The following NAF1 variants were observed in gnomAD, a reference collection of about 807,000 sequenced individuals.
NAF1 encodes the protein H/ACA ribonucleoprotein complex non-core subunit NAF1.
Under a neutral mutation model 40.6 loss-of-function variants are expected in NAF1, and 11 were observed. The observed-to-expected ratio is 0.27, with a 90% CI of 0.17 to 0.45. NAF1 has a LOEUF of 0.45. Among genes scored for constraint, NAF1 ranks in the 20% least tolerant of loss-of-function variants. The probability of loss-of-function intolerance (pLI) is 1.00; values close to 1 mark genes in which losing one functional copy is unlikely to be tolerated. For synonymous variants in NAF1, 260 were observed against 228.5 expected (o/e 1.14, Z -1.24); for missense variants, 607 against 611.1 (o/e 0.99, Z 0.07).
In NAF1 at chr4:163,140,366, T is replaced by C; in HGVS notation, c.735A>G (p.Gly245=). The change falls in exon 5 of 8, where the codon GGA becomes GGG. Residue 245 remains glycine, a synonymous_variant. Transcript: ENST00000274054. ...ACACATAAAATGGATGTGCAACAGGTCCAAATATCTCGAATATCTGTAATA... is the reference window on the plus strand; with the variant it reads ...ACACATAAAATGGATGTGCAACAGGCCCAAATATCTCGAATATCTGTAATA... The part of the protein sequence containing the change: ...QAAGKIFEIF[G]PVAHPFYVLR... 1.2e-6 allele frequency: 2 copies of C among 1,604,404 alleles called. No homozygotes were observed. Among genetic ancestry groups the C allele is most frequent in the Admixed American group, 1.7e-5 (1 of 57,598 alleles).
downstream of NAF1, chr4:163,126,790 C>A: frequency 1.6e-6 from 1 of 618,540 alleles, no homozygotes; most frequent in Non-Finnish European, 2.5e-6. Flanking sequence ...TCACTGCTAT[C>A]TATTAGGAGA....
intron 6 of NAF1, among the ~76,000 whole-genome samples, chr4:163,136,733 G>A (rs866741664): frequency 6.6e-6 from 1 of 152,100 alleles, no homozygotes; most frequent in South Asian, 2.1e-4. Flanking sequence ...TAGTTATATC[G>A]TAAAAAGTAG....
intron 5 of NAF1, among the ~76,000 whole-genome samples, chr4:163,139,374 T>A (rs1340428896): frequency 6.6e-6 from 1 of 152,128 alleles, no homozygotes; most frequent in East Asian, 1.9e-4. Context: ...TCTTTGGCAG[T>A]CTTTTCTTCC....
rs1157304691 is a variant in NAF1 at position 163,133,261 on chromosome 4, C to A, written c.931-5G>T. The A allele has an allele frequency of 1.9e-6, 3 of 1,608,418 alleles. No homozygotes were observed. Among genetic ancestry groups the A allele is most frequent in the Non-Finnish European group, 2.6e-6 (3 of 1,175,572 alleles). On this transcript the variant is annotated splice_polypyrimidine_tract_variant and splice_region_variant and intron_variant, in intron 6 of 7. Coordinates refer to ENST00000274054, the MANE Select transcript of NAF1 (RefSeq NM_138386.3). ...ATCATCACTAAAATCTAAGGCCTTG[C>A]AGAGAAAAGTATATAATAGGTTTAT...
At position 163,166,733 on chromosome 4, in the gene NAF1, C is replaced by T; in HGVS notation, c.-6G>A. The T allele has an allele frequency of 6.2e-7, 1 of 1,613,210 alleles. No homozygotes were observed. The highest frequency in any genetic ancestry group is 8.5e-7 in the Non-Finnish European group (1 of 1,179,870). Reference sequence around the variant, plus strand: ...GCGGCCTCCACTACCTCCATCGCACCGCGCCAGAAACCGGGTCGGCCTCAG... The same window carrying T: ...GCGGCCTCCACTACCTCCATCGCACTGCGCCAGAAACCGGGTCGGCCTCAG... On this transcript the variant is annotated 5_prime_UTR_variant, in exon 1 of 8. Coordinates refer to ENST00000274054, the MANE Select transcript of NAF1 (RefSeq NM_138386.3).
intron 7 of NAF1, among the ~76,000 whole-genome samples, chr4:163,132,149 A>G (rs562426654): frequency 6.6e-6 from 1 of 152,360 alleles, no homozygotes; most frequent in African/African-American, 2.4e-5. Flanking sequence ...GAAGAACAGT[A>G]TGGTAGTTTC....
downstream of NAF1, among the ~76,000 whole-genome samples, chr4:163,123,930 G>A (rs1730582421): frequency 2.0e-5 from 3 of 152,290 alleles, no homozygotes; most frequent in South Asian, 6.2e-4. Flanking sequence ...CAATTTTAAA[G>A]AAGCACTGTA....
At chr4:163,148,096 C>A (rs1335339889) in intron 3 of NAF1, among the ~76,000 whole-genome samples, 2 of 151,884 alleles carry the variant, frequency 1.3e-5, no homozygotes, top group African/African-American at 4.8e-5. Flanking sequence ...AACTAATAAA[C>A]CAAATCAAAG....
At chr4:163,148,876 C>A (rs1301694085) in intron 2 of NAF1, among the ~76,000 whole-genome samples, 1 of 152,084 alleles carries the variant, frequency 6.6e-6, no homozygotes, top group African/African-American at 2.4e-5. Flanking sequence ...TGTGATTAAA[C>A]AGAACACAGA....
At chr4:163,152,500 T>C (rs1032600111) in intron 2 of NAF1, among the ~76,000 whole-genome samples, 43 of 152,228 alleles carry the variant, frequency 2.8e-4, no homozygotes, top group African/African-American at 9.9e-4. Flanking sequence ...TAGTTCCTGT[T>C]GCTGTTCCAT....
downstream of NAF1, among the ~76,000 whole-genome samples, chr4:163,126,337 T>C (rs548285101): frequency 6.6e-6 from 1 of 152,186 alleles, no homozygotes; most frequent in South Asian, 2.1e-4. Context: ...GGGGTCAAAA[T>C]ACCAATATTA....
At chr4:163,137,744 G>A (rs757008288) in intron 5 of NAF1, among the ~76,000 whole-genome samples, 8 of 152,094 alleles carry the variant, frequency 5.3e-5, no homozygotes, top group South Asian at 2.1e-4. Context: ...TCCTCTATGA[G>A]TAACCAAGGC....
intron 6 of NAF1, among the ~76,000 whole-genome samples, chr4:163,134,850 A>G (rs6835785): frequency 0.83 from 125,703 of 152,192 alleles, 51,978 homozygotes; most frequent in African/African-American, 0.86. Flanking sequence ...AAGCTTACAA[A>G]GAACCTTATT....
At chr4:163,157,410 AT>A (rs1415633978) in intron 2 of NAF1, 1 of 152,070 alleles carries the variant, frequency 6.6e-6, no homozygotes, top group Non-Finnish European at 1.5e-5. Context: ...CCCCACTAAT[AT>A]GACTTCAGAC....
intron 4 of NAF1, among the ~76,000 whole-genome samples, chr4:163,141,149 G>A (rs1447188372): frequency 1.3e-5 from 2 of 152,124 alleles, no homozygotes; most frequent in African/African-American, 2.4e-5. Context: ...CGGATCACCT[G>A]AGGTCAGGGG....
chr4:163,118,213 G>A (rs1730409062), intron 2 of NAF1, among the ~76,000 whole-genome samples: 1 of 152,138 alleles, frequency 6.6e-6, no homozygotes, highest in South Asian at 2.1e-4. Context: ...GAGAATCCCA[G>A]GGGTGATGAA....
chr4:163,131,357 C>T (rs1486642170), intron 7 of NAF1, among the ~76,000 whole-genome samples: 1 of 152,142 alleles, frequency 6.6e-6, no homozygotes, highest in Non-Finnish European at 1.5e-5. Flanking sequence ...TGTACCACTG[C>T]ATTCTAGCCT....
chr4:163,138,487 G>A (rs1303638533), intron 5 of NAF1, among the ~76,000 whole-genome samples: 1 of 151,960 alleles, frequency 6.6e-6, no homozygotes, highest in Non-Finnish European at 1.5e-5. Context: ...ATTTCAAAAG[G>A]CACTTTTAAC....
chr4:163,116,621 A>G (rs1730346576), intron 2 of NAF1, among the ~76,000 whole-genome samples: 1 of 152,288 alleles, frequency 6.6e-6, no homozygotes, highest in Admixed American at 6.5e-5. Context: ...AATAGTGGCT[A>G]CAAGCTCAGA....
Sources: allele counts gnomAD v4.1 joint callset (sites outside exome capture counted in the v4.1 genomes callset), GRCh38; gene constraint gnomAD v4.1.1; transcripts MANE v1.5; gene names NCBI Gene and HGNC (gene_info 2026-07-23, HGNC 2026-07-21).